Variants in UBXN6 observed in about 807,000 individuals in gnomAD.
UBXN6 encodes UBX domain-containing protein 6.
Under a neutral mutation model 51.4 loss-of-function variants are expected in UBXN6, and 44 were observed. That is an observed-to-expected ratio of 0.86 (90% confidence interval 0.67 to 1.10). The LOEUF is 1.10. Among genes scored for constraint, UBXN6 ranks in the 50% least tolerant of loss-of-function variants. The probability of loss-of-function intolerance (pLI) is 0.00; values close to 1 mark genes in which losing one functional copy is unlikely to be tolerated. For missense variants in UBXN6, 672 were observed against 596.1 expected (o/e 1.13, Z -1.32); for synonymous variants, 316 against 263.2 (o/e 1.20, Z -1.94).
chr19:4,453,798 T>A, intron 2 of UBXN6, 132 bp downstream of exon 2: 1 of 1,346,928 alleles, frequency 7.4e-7, no homozygotes, highest in Non-Finnish European at 1.0e-6. Context: ...GCACCTGCCC[T>A]TGATGAGCCG....
At position 4,446,182 on chromosome 19, in the gene UBXN6, C is replaced by T. The variant is rs764813172; in HGVS notation, c.1067G>A (p.Arg356Gln). ...CCCGTACACCGCCCCCAGCCGCTCC[C>T]GAGCGTAGAAAGTGCCTGGGGAGTG... ...GCLLQGTFYA[R>Q]ERLGAVYGFV... The change falls in exon 10 of 11, where the codon CGG (arginine) becomes CAG (glutamine). Residue 356 changes from arginine to glutamine, a missense_variant. Transcript: ENST00000301281. 2.7e-5 allele frequency: 43 copies of T among 1,606,352 alleles called. No individual in the cohort carries two copies. Among genetic ancestry groups the T allele is most frequent in the African/African-American group, 5.3e-5 (4 of 74,824 alleles).
chr19:4,457,595 C>T lies in UBXN6; in HGVS notation c.83+20G>A. 3 of 1,586,276 alleles carry T rather than the reference C, an allele frequency of 1.9e-6. No homozygotes were observed. The highest frequency in any genetic ancestry group is 2.8e-5 in the African/African-American group (2 of 71,412). ...CGTCCCCGCCCCGCAGGGCCTCAAGCCCCTGCGTTCCTCACGCACCCCACG... is the reference window on the plus strand; with the variant it reads ...CGTCCCCGCCCCGCAGGGCCTCAAGTCCCTGCGTTCCTCACGCACCCCACG... On this transcript the variant is annotated intron_variant, in intron 1 of 10. Transcript: ENST00000301281.
intron 4 of UBXN6, chr19:4,450,026 G>A (rs1328771070): frequency 3.9e-5 from 6 of 151,956 alleles, no homozygotes; most frequent in African/African-American, 7.3e-5. Context: ...TTAGGAGAGC[G>A]AGACCATCCC....
chr19:4,447,553 A>G lies in UBXN6; in HGVS notation c.612T>C (p.Phe204=). ...YRKIKLQNKV[F]QERINCLEGT... is the part of the protein sequence containing the mutation. ...GGGGGCCAGAAGGCACGCCCACCTG[A>G]AACACCTTGTTCTGCAGCTTGATCT... The change falls in exon 6 of 11, where the codon TTT becomes TTC. Residue 204 remains phenylalanine (F), a synonymous_variant. Coordinates refer to ENST00000301281, the MANE Select transcript of UBXN6 (RefSeq NM_025241.3). 1 of 1,613,480 alleles carries G rather than the reference A, an allele frequency of 6.2e-7. No homozygotes were observed. Among genetic ancestry groups the G allele is most frequent in the South Asian group, 1.1e-5 (1 of 91,060 alleles).
At chr19:4,448,595 C>T in intron 4 of UBXN6, 180 bp from the exon 5 acceptor site, 1 of 614,610 alleles carries the variant, frequency 1.6e-6, no homozygotes, top group Non-Finnish European at 2.9e-6. Context: ...TGCCCACGCC[C>T]CAGGGCAGAG....
At chr19:4,445,914 G>T in intron 10 of UBXN6, 135 bp downstream of exon 10, 1 of 1,399,032 alleles carries the variant, frequency 7.1e-7, no homozygotes, top group Non-Finnish European at 9.6e-7. Flanking sequence ...TGGGAAAGCA[G>T]GATTCAAACC....
At chr19:4,455,171 G>C (rs777934244) in intron 1 of UBXN6, 4 of 980,030 alleles carry the variant, frequency 4.1e-6, no homozygotes, top group African/African-American at 1.8e-5. Flanking sequence ...CAACCTGCTC[G>C]GACGCGTCTG....
intron 6 of UBXN6, 176 bp from the exon 7 acceptor site, chr19:4,447,096 G>A: frequency 1.6e-6 from 1 of 632,478 alleles, no homozygotes; most frequent in South Asian, 1.9e-5. Context: ...TACGGTGGGG[G>A]CTGTGGAGTC....
chr19:4,450,475 G>A (rs1056095573), intron 4 of UBXN6: 7 of 152,030 alleles, frequency 4.6e-5, no homozygotes, highest in Non-Finnish European at 7.4e-5. Context: ...TGTAAAGAGT[G>A]CTGCCGGGCA....
In UBXN6 at chr19:4,445,295, T is replaced by G; in HGVS notation, c.*203A>C. ...GTCCCCAGGCCTCTCCCTCGGGGGC[T>G]TGGGCGCATCCCCACAGCCCCCAAG... On this transcript the variant is annotated 3_prime_UTR_variant, in exon 11 of 11. Transcript: ENST00000301281. 1.2e-6 allele frequency: 1 copy of G among 822,424 alleles called. No homozygotes were observed. Among genetic ancestry groups the G allele is most frequent in the Non-Finnish European group, 1.9e-6 (1 of 527,122 alleles). The allele number at this position is 822,424 out of a possible 1,614,324, so 50.9% of individuals were successfully genotyped here. A position where few individuals can be genotyped will look rare whatever the true frequency, so the allele number is the denominator to read the frequency against.
chr19:4,452,548 C>A, intron 3 of UBXN6, 56 bp from the exon 4 acceptor site: 1 of 1,562,684 alleles, frequency 6.4e-7, no homozygotes, highest in Admixed American at 1.9e-5. Flanking sequence ...CCCCGACCCT[C>A]GCCGAGCACC....
rs762663986 is a variant in UBXN6 at position 4,445,572 on chromosome 19, T to C, written c.1252A>G (p.Ile418Val). ...FSWDMAVLED[I>V]KAAGAEPDSI... ...TCCGGCTCGGCCCCCGCGGCCTTGA[T>C]GTCCTCCAGCACAGCCATGTCCCAC... Residue 418 changes from isoleucine to valine, a missense_variant, in exon 11 of 11, where the codon ATC (isoleucine) becomes GTC (valine). Physicochemically the swap from Ile to Val is conservative, Grantham distance 29. Transcript: ENST00000301281. The C allele has an allele frequency of 9.3e-6, 15 of 1,613,650 alleles. No individual in the cohort carries two copies. The Admixed American group carries it at 2.0e-4, about 22-fold the overall frequency.
At chr19:4,445,874 G>T (rs538122751) in intron 10 of UBXN6, 175 bp downstream of exon 10, 81 of 1,140,730 alleles carry the variant, frequency 7.1e-5, no homozygotes, top group Non-Finnish European at 9.8e-5. Context: ...GAGTAGTTAT[G>T]AACTTGCTCG....
rs530606447 is a variant in UBXN6 at position 4,448,611 on chromosome 19, G to A, written c.442-196C>T. 129 of 598,310 alleles carry A rather than the reference G, an allele frequency of 2.2e-4. 1 individual carries two copies. The highest frequency in any genetic ancestry group is 2.4e-4 in the Non-Finnish European group (80 of 336,484). 37.1% of individuals were successfully genotyped at this position (598,310 alleles called of 1,614,324 possible). A position where few individuals can be genotyped will look rare whatever the true frequency, so the allele number is the denominator to read the frequency against. On this transcript the variant is annotated intron_variant, in intron 4 of 10. Coordinates refer to ENST00000301281, the MANE Select transcript of UBXN6 (RefSeq NM_025241.3). ...GCCCACGCCCCAGGGCAGAGGCGAC[G>A]CAGCCAAGACCCAGCAGAACTCAAG...
chr19:4,449,733 T>A (rs1254011862), intron 4 of UBXN6: 3 of 152,102 alleles, frequency 2.0e-5, no homozygotes, highest in Non-Finnish European at 4.4e-5. Context: ...CATACAGGAA[T>A]GTACTTTGTG....
At position 4,454,039 on chromosome 19, in the gene UBXN6, C is replaced by G. The variant is rs377246147; in HGVS notation, c.138G>C (p.Gln46His). ...CCATCTGTGCCTCATTGGTGGGTCC[C>G]TGGCGGGGCGGCCTGGGGGCTGGCT... ...PNQPAPRPPRQGPTNEAQMAA... is the reference protein window; with the variant it reads ...PNQPAPRPPRHGPTNEAQMAA... The change falls in exon 2 of 11, where the codon CAG (glutamine) becomes CAC (histidine). Residue 46 changes from glutamine (Q) to histidine (H), a missense_variant. Transcript: ENST00000301281. The G allele has an allele frequency of 2.3e-5, 36 of 1,592,170 alleles. No homozygotes were observed. The highest frequency in any genetic ancestry group is 1.7e-4 in the Middle Eastern group (1 of 5,978).
intron 6 of UBXN6, chr19:4,447,306 AGAG>A: frequency 1.7e-6 from 1 of 578,630 alleles, no homozygotes; most frequent in Non-Finnish European, 3.1e-6. Flanking sequence ...GCCCAGCTGA[AGAG>A]GAGGAAAAGG....
intron 3 of UBXN6, among the ~76,000 whole-genome samples, chr19:4,452,884 C>G (rs1568192659): frequency 6.6e-6 from 1 of 152,224 alleles, no homozygotes; most frequent in Admixed American, 6.5e-5. Context: ...GCCTCCATTT[C>G]TAGGCCATCT....
intron 5 of UBXN6, chr19:4,447,889 A>G (rs1221952193): frequency 3.8e-6 from 2 of 523,334 alleles, no homozygotes; most frequent in Non-Finnish European, 7.0e-6. Flanking sequence ...AATTAACCAC[A>G]GCGGTGGGGA....
Sources: allele counts gnomAD v4.1 joint callset (sites outside exome capture counted in the v4.1 genomes callset), GRCh38; gene constraint gnomAD v4.1.1; transcripts MANE v1.5; gene names NCBI Gene and HGNC (gene_info 2026-07-23, HGNC 2026-07-21).